Variants in KIAA1328 observed in about 807,000 individuals in gnomAD.
KIAA1328 encodes protein hinderin.
In KIAA1328, 52 loss-of-function variants were observed where a neutral mutation model predicts 68.1. The ratio of observed to expected loss-of-function variants is 0.76; its 90% CI spans 0.61 to 0.96. KIAA1328 has a LOEUF of 0.96. KIAA1328 is among the 40% of genes least tolerant of loss of function. The pLI is 0.00. For synonymous variants in KIAA1328, 232 were observed against 239.4 expected (o/e 0.97, Z 0.28); for missense variants, 641 against 677.6 (o/e 0.95, Z 0.60).
At chr18:37,220,486 G>A (rs569735343) in intron 9 of KIAA1328, among the ~76,000 whole-genome samples, 15 of 152,258 alleles carry the variant, frequency 9.9e-5, no homozygotes, top group African/African-American at 3.6e-4. Context: ...GTGGATGTTC[G>A]CTTTCCAGTG....
intron 7 of KIAA1328, among the ~76,000 whole-genome samples, chr18:37,091,876 G>A (rs547411868): frequency 7.2e-5 from 11 of 152,238 alleles, no homozygotes; most frequent in African/African-American, 9.6e-5. Context: ...CAAAGCATGC[G>A]CTCCCCATAG....
At chr18:37,103,297 T>G (rs1193120892) in intron 7 of KIAA1328, among the ~76,000 whole-genome samples, 1 of 152,124 alleles carries the variant, frequency 6.6e-6, no homozygotes, top group Non-Finnish European at 1.5e-5. Context: ...GGTCTTAGTA[T>G]GAAAATAGAC....
intron 7 of KIAA1328, among the ~76,000 whole-genome samples, chr18:37,082,166 ATTTTTTT>A (rs34106395): frequency 5.0e-5 from 5 of 100,428 alleles, no homozygotes; most frequent in African/African-American, 1.7e-4. Flanking sequence ...TGCCCCAAGG[ATTTTTTT>A]TTTTTTTTTT....
chr18:37,077,792 A>G (rs1395353060), intron 7 of KIAA1328, among the ~76,000 whole-genome samples: 1 of 150,298 alleles, frequency 6.7e-6, no homozygotes, highest in African/African-American at 2.5e-5. Context: ...GACCTCTTCA[A>G]GGAGAACTAC....
chr18:37,122,628 G>A (rs1413802279), intron 7 of KIAA1328, among the ~76,000 whole-genome samples: 1 of 151,852 alleles, frequency 6.6e-6, no homozygotes, highest in African/African-American at 2.4e-5. Flanking sequence ...GTAATAGGAG[G>A]GAATGTGGAA....
chr18:37,139,166 T>C (rs1457751747), intron 7 of KIAA1328, among the ~76,000 whole-genome samples: 2 of 152,036 alleles, frequency 1.3e-5, no homozygotes, highest in East Asian at 1.9e-4. Flanking sequence ...GGTTTCACCT[T>C]GTTAGCCAGG....
intron 4 of KIAA1328, among the ~76,000 whole-genome samples, chr18:36,884,831 G>A (rs2048444239): frequency 6.6e-6 from 1 of 152,140 alleles, no homozygotes; most frequent in South Asian, 2.1e-4. Context: ...TAAAGTGTTG[G>A]TGTTGTTCAT....
At chr18:37,066,834 A>G (rs1039662889) in intron 6 of KIAA1328, 56 bp from the exon 7 acceptor site, 1 of 1,442,918 alleles carries the variant, frequency 6.9e-7, no homozygotes, top group African/African-American at 1.4e-5. Flanking sequence ...AAACCAAACG[A>G]AAGAACTTGT....
chr18:37,147,129 G>A (rs543529757), intron 7 of KIAA1328, among the ~76,000 whole-genome samples: 2 of 152,220 alleles, frequency 1.3e-5, no homozygotes, highest in South Asian at 2.1e-4. Context: ...CACTCACCAG[G>A]TGCACATATC....
intron 6 of KIAA1328, among the ~76,000 whole-genome samples, chr18:37,037,883 C>T (rs996600185): frequency 6.6e-6 from 1 of 151,992 alleles, no homozygotes; most frequent in Non-Finnish European, 1.5e-5. Context: ...AGGCTGATCA[C>T]GAGGTCAGGA....
intron 8 of KIAA1328, among the ~76,000 whole-genome samples, chr18:37,162,376 C>A (rs1351316793): frequency 2.0e-5 from 3 of 151,928 alleles, no homozygotes; most frequent in African/African-American, 4.8e-5. Flanking sequence ...ATGAAAAAGA[C>A]CGCCTTGTAT....
intron 7 of KIAA1328, among the ~76,000 whole-genome samples, chr18:37,105,291 C>T (rs2057738748): frequency 6.6e-6 from 1 of 151,904 alleles, no homozygotes; most frequent in Non-Finnish European, 1.5e-5. Context: ...TTGCTTGAGT[C>T]CAGGAATTTG....
At chr18:37,204,962 C>CTTGTTGTTG (rs143018752) in intron 9 of KIAA1328, among the ~76,000 whole-genome samples, 3 of 151,118 alleles carry the variant, frequency 2.0e-5, no homozygotes, top group African/African-American at 7.3e-5. Flanking sequence ...GGCTTTTGAC[C>CTTGTTGTTG]TTGTTGTTGT....
chr18:37,179,183 A>G (rs1173928193), intron 9 of KIAA1328, among the ~76,000 whole-genome samples: 1 of 152,170 alleles, frequency 6.6e-6, no homozygotes, highest in African/African-American at 2.4e-5. Flanking sequence ...GTTTGCTTCC[A>G]GTAGTTCCAT....
intron 7 of KIAA1328, among the ~76,000 whole-genome samples, chr18:37,084,625 C>A (rs1004227941): frequency 6.6e-6 from 1 of 151,812 alleles, no homozygotes; most frequent in Non-Finnish European, 1.5e-5. Context: ...TCAACAAATA[C>A]GTATTGCTTG....
rs116434690 is a variant in KIAA1328, at chr18:37,022,580, T to G, written c.577-44310T>G. Among the ~76,000 whole-genome samples the G allele has an allele frequency of 9.5e-3, 1,446 of 152,262 alleles. 23 individuals are homozygous for G. Among genetic ancestry groups the G allele is most frequent in the African/African-American group, 0.033 (1,352 of 41,544 alleles). ...ATATGACCTGGAAAGTGAAGACCTT[T>G]GGGTGTTAAATTGCATATATCTTCC... On this transcript the variant is annotated intron_variant, in intron 6 of 9. Transcript: ENST00000280020.
At position 37,067,224 on chromosome 18, in the gene KIAA1328, A is replaced by G; in HGVS notation, c.911A>G (p.Gln304Arg). 1 of 1,613,978 alleles carries G rather than the reference A, an allele frequency of 6.2e-7. No individual in the cohort carries two copies. Residue 304 changes from glutamine to arginine, a missense_variant, in exon 7 of 10, where the codon CAA becomes CGA. Physicochemically the swap from Gln to Arg is conservative, Grantham distance 43 (BLOSUM62 1). Transcript: ENST00000280020. ...ECPHLKPTPS[Q>R]CCGHRLAADR... ...CCACATCTTAAGCCTACTCCTAGTC[A>G]ATGCTGTGGTCATAGACTTGCTGCA...
intron 7 of KIAA1328, among the ~76,000 whole-genome samples, chr18:37,148,838 G>GT (rs1279494246): frequency 6.6e-6 from 1 of 152,038 alleles, no homozygotes; most frequent in Non-Finnish European, 1.5e-5. Flanking sequence ...TTGTAAATTT[G>GT]TTTAAGTTCC....
At chr18:36,953,033 A>G (rs1033812790) in intron 5 of KIAA1328, among the ~76,000 whole-genome samples, 2 of 151,870 alleles carry the variant, frequency 1.3e-5, no homozygotes, top group African/African-American at 4.8e-5. Context: ...GCAATGTTTT[A>G]TTATGATAAC....
Sources: allele counts gnomAD v4.1 joint callset (sites outside exome capture counted in the v4.1 genomes callset), GRCh38; gene constraint gnomAD v4.1.1; transcripts MANE v1.5; gene names NCBI Gene and HGNC (gene_info 2026-07-23, HGNC 2026-07-21).